DDAH1: variants seen among roughly 807,000 people sequenced by gnomAD.
The protein encoded by DDAH1 is dimethylarginine dimethylaminohydrolase 1.
In DDAH1, 19 loss-of-function variants were observed where a neutral mutation model predicts 28.8. The observed-to-expected ratio is 0.66, with a 90% CI of 0.46 to 0.97. The LOEUF (loss-of-function observed/expected upper bound fraction) is 0.97. Ranked by LOEUF, DDAH1 falls within the 50% of genes least tolerant of loss-of-function variation. The pLI, the probability that DDAH1 is intolerant of heterozygous loss-of-function variation, is 0.00. For synonymous variants in DDAH1, 153 were observed against 154.4 expected (o/e 0.99, Z 0.07); for missense variants, 326 against 375.9 (o/e 0.87, Z 1.10).
intron 1 of DDAH1, among the ~76,000 whole-genome samples, chr1:85,434,559 GTT>G (rs1203007224): frequency 6.6e-6 from 1 of 151,842 alleles, no homozygotes; most frequent in Non-Finnish European, 1.5e-5. Flanking sequence ...GCCCAGCTAA[GTT>G]TTATATTTTT....
intron 1 of DDAH1, among the ~76,000 whole-genome samples, chr1:85,521,153 A>C (rs1327956237): frequency 6.6e-6 from 1 of 152,120 alleles, no homozygotes; most frequent in East Asian, 1.9e-4. Flanking sequence ...ATGTCCGGCT[A>C]TTCATCATTC....
In DDAH1 at chr1:85,563,096, G is replaced by A. The variant is rs1659185720; in HGVS notation, c.-123+14888C>T. ...ACTGCTTGAAAAGAAGATCTAAGCT[G>A]TAGCACAGGCAGGGGGAACCCAGGC... is the stretch of plus-strand genomic sequence containing the variant. On this transcript the variant is annotated intron_variant, in intron 1 of 6. Transcript: ENST00000426972. Among the ~76,000 whole-genome samples, 3 of 152,176 alleles carry A rather than the reference G, an allele frequency of 2.0e-5. No homozygotes were observed. In the South Asian group the frequency reaches 6.2e-4, roughly 32 times the overall value.
At chr1:85,509,657 G>C (rs902941127) in intron 1 of DDAH1, among the ~76,000 whole-genome samples, 2 of 152,180 alleles carry the variant, frequency 1.3e-5, no homozygotes, top group Non-Finnish European at 2.9e-5. Context: ...ACCTGATGGA[G>C]CTGAAAACCA....
intron 1 of DDAH1, among the ~76,000 whole-genome samples, chr1:85,369,887 A>G (rs115721212): frequency 0.043 from 6,583 of 152,280 alleles, 502 homozygotes; most frequent in African/African-American, 0.15. Context: ...CTGAGTGACC[A>G]AAAGGACCAA....
chr1:85,577,130 G>T (rs990124588), intron 1 of DDAH1, among the ~76,000 whole-genome samples: 3 of 152,134 alleles, frequency 2.0e-5, no homozygotes, highest in African/African-American at 7.2e-5. Context: ...TGGCCGGCAG[G>T]GGGCGGCGGT....
intron 1 of DDAH1, among the ~76,000 whole-genome samples, chr1:85,548,006 A>G (rs1658677524): frequency 6.6e-6 from 1 of 152,228 alleles, no homozygotes. Context: ...GTAAACCCCA[A>G]ATATAGCTGT....
At chr1:85,458,177 T>A (rs1025526206) in intron 1 of DDAH1, among the ~76,000 whole-genome samples, 5 of 152,220 alleles carry the variant, frequency 3.3e-5, no homozygotes, top group African/African-American at 1.2e-4. Context: ...CCACACTGAT[T>A]TGTTGGACAA....
intron 1 of DDAH1, among the ~76,000 whole-genome samples, chr1:85,565,056 G>C (rs1659255786): frequency 6.6e-6 from 1 of 151,414 alleles, no homozygotes; most frequent in Non-Finnish European, 1.5e-5. Context: ...AAAAAGATTA[G>C]TTGAGTGTGG....
intron 1 of DDAH1, among the ~76,000 whole-genome samples, chr1:85,427,982 T>G (rs1653490540): frequency 6.6e-6 from 1 of 152,124 alleles, no homozygotes; most frequent in South Asian, 2.1e-4. Flanking sequence ...AACCCTTACA[T>G]TCATGGCACC....
chr1:85,466,832 CTTTTTTTT>C (rs10675813), upstream of DDAH1, among the ~76,000 whole-genome samples: 2 of 70,738 alleles, frequency 2.8e-5, no homozygotes, highest in Non-Finnish European at 4.9e-5. Context: ...ATTATTTATT[CTTTTTTTT>C]TTTTTTTTTT....
At chr1:85,528,949 G>A (rs1657985241) in intron 1 of DDAH1, among the ~76,000 whole-genome samples, 1 of 149,830 alleles carries the variant, frequency 6.7e-6, no homozygotes, top group Non-Finnish European at 1.5e-5. Flanking sequence ...ACTCCAGCCT[G>A]GGCAACAGAG....
intron 1 of DDAH1, among the ~76,000 whole-genome samples, chr1:85,455,620 A>G (rs1011318495): frequency 6.6e-6 from 1 of 152,220 alleles, no homozygotes; most frequent in Non-Finnish European, 1.5e-5. Context: ...AACACAACTT[A>G]CAGCAATACC....
intron 1 of DDAH1, among the ~76,000 whole-genome samples, chr1:85,385,961 T>C (rs1651236409): frequency 6.6e-6 from 1 of 152,086 alleles, no homozygotes; most frequent in African/African-American, 2.4e-5. Flanking sequence ...TGCCAGGCTC[T>C]TTTTAACAAG....
intron 1 of DDAH1, among the ~76,000 whole-genome samples, chr1:85,446,343 G>A (rs1654426307): frequency 2.0e-5 from 3 of 152,138 alleles, no homozygotes; most frequent in Admixed American, 2.0e-4. Flanking sequence ...CAGATCTCAT[G>A]AGAACTCACT....
chr1:85,417,404 C>G (rs534878624), intron 1 of DDAH1, among the ~76,000 whole-genome samples: 39 of 152,264 alleles, frequency 2.6e-4, no homozygotes, highest in Non-Finnish European at 4.4e-4. Flanking sequence ...TAGGCCTCAT[C>G]CCTTCCATCA....
intron 1 of DDAH1, among the ~76,000 whole-genome samples, chr1:85,405,957 C>A (rs779041623): frequency 1.3e-5 from 2 of 152,174 alleles, no homozygotes; most frequent in Admixed American, 6.5e-5. Context: ...TAAGAGCACA[C>A]GGATATTAGC....
intron 4 of DDAH1, among the ~76,000 whole-genome samples, chr1:85,328,355 C>G (rs1217995009): frequency 1.3e-5 from 2 of 152,176 alleles, no homozygotes; most frequent in Non-Finnish European, 2.9e-5. Context: ...TAAAATAGTC[C>G]ATAAACCCAA....
intron 1 of DDAH1, among the ~76,000 whole-genome samples, chr1:85,405,960 A>ATT (rs1652387130): frequency 6.6e-6 from 1 of 152,234 alleles, no homozygotes; most frequent in African/African-American, 2.4e-5. Context: ...GAGCACACGG[A>ATT]TATTAGCCTC....
intron 1 of DDAH1, among the ~76,000 whole-genome samples, chr1:85,422,711 C>G (rs1653201491): frequency 6.6e-6 from 1 of 152,148 alleles, no homozygotes; most frequent in Admixed American, 6.6e-5. Flanking sequence ...TGTTGATGCC[C>G]TAACCCCAGT....
Sources: gnomAD v4.1 joint callset for allele counts (sites outside exome capture counted in the v4.1 genomes callset) on GRCh38, gnomAD v4.1.1 for gene constraint, MANE v1.5 for transcripts, NCBI Gene and HGNC (gene_info 2026-07-23, HGNC 2026-07-21) for gene names.